The following PCMTD1 variants were observed in gnomAD, a reference collection of about 807,000 sequenced individuals.
PCMTD1 encodes protein-L-isoaspartate O-methyltransferase domain-containing protein 1.
PCMTD1 carries 12 observed loss-of-function variants against 37.6 expected under a neutral mutation model. That is an observed-to-expected ratio of 0.32 (90% CI 0.20 to 0.52). The LOEUF is 0.52. Among genes scored for constraint, PCMTD1 ranks in the 20% least tolerant of loss-of-function variants. PCMTD1 has a pLI of 0.97. For synonymous variants in PCMTD1, 117 were observed against 135.8 expected (o/e 0.86, Z 0.96); for missense variants, 235 against 421.3 (o/e 0.56, Z 3.87).
At chr8:51,887,897 C>T (rs1009622488) in intron 1 of PCMTD1, among the ~76,000 whole-genome samples, 1 of 151,894 alleles carries the variant, frequency 6.6e-6, no homozygotes, top group Non-Finnish European at 1.5e-5. Flanking sequence ...ACGTGCCAAC[C>T]ACACTCAGCT....
At chr8:51,865,444 C>A (rs2038536517) in intron 1 of PCMTD1, among the ~76,000 whole-genome samples, 1 of 152,018 alleles carries the variant, frequency 6.6e-6, no homozygotes, top group Non-Finnish European at 1.5e-5. Flanking sequence ...ACTAGCAAAC[C>A]AAATTCAACA....
chr8:51,831,311 A>C, intron 5 of PCMTD1, 133 bp downstream of exon 5: 1 of 903,864 alleles, frequency 1.1e-6, no homozygotes, highest in Non-Finnish European at 1.6e-6. Context: ...AAAAAAAAAA[A>C]GTTGAATAAA....
chr8:51,867,167 TATC>T (rs1430204960), intron 1 of PCMTD1, among the ~76,000 whole-genome samples: 1 of 151,980 alleles, frequency 6.6e-6, no homozygotes, highest in Non-Finnish European at 1.5e-5. Flanking sequence ...TCAGAATGGC[TATC>T]ATCAAAAAGA....
chr8:51,876,584 C>T (rs911936681), intron 1 of PCMTD1, among the ~76,000 whole-genome samples: 1 of 152,166 alleles, frequency 6.6e-6, no homozygotes, highest in Non-Finnish European at 1.5e-5. Context: ...GGTAAAATGG[C>T]TGACTCTAAA....
At chr8:51,835,614 T>G (rs929285173) in intron 3 of PCMTD1, among the ~76,000 whole-genome samples, 1 of 152,174 alleles carries the variant, frequency 6.6e-6, no homozygotes, top group African/African-American at 2.4e-5. Flanking sequence ...ATGCTTTAAT[T>G]TTATAATAAT....
intron 2 of PCMTD1, among the ~76,000 whole-genome samples, chr8:51,853,236 G>A (rs984556207): frequency 3.3e-5 from 5 of 152,154 alleles, no homozygotes; most frequent in Non-Finnish European, 5.9e-5. Context: ...GACCCTGCAA[G>A]AGCCAAACCC....
chr8:51,899,054 A>C (rs759805999), upstream of PCMTD1: 25 of 1,503,740 alleles, frequency 1.7e-5, no homozygotes, highest in East Asian at 4.8e-4. Context: ...CGGGGCCCGG[A>C]CCCGCGACTG....
intron 3 of PCMTD1, among the ~76,000 whole-genome samples, chr8:51,834,160 A>T (rs1256344898): frequency 6.6e-6 from 1 of 152,194 alleles, no homozygotes; most frequent in East Asian, 1.9e-4. Flanking sequence ...AAAGTGGGAG[A>T]GCTTTATCAA....
intron 2 of PCMTD1, among the ~76,000 whole-genome samples, chr8:51,859,988 T>C (rs946104430): frequency 2.0e-5 from 3 of 152,190 alleles, no homozygotes; most frequent in African/African-American, 7.2e-5. Context: ...ATATGGCAGC[T>C]GAACTAAATG....
chr8:51,855,804 C>T (rs965004455), intron 2 of PCMTD1, among the ~76,000 whole-genome samples: 7 of 151,842 alleles, frequency 4.6e-5, no homozygotes, highest in South Asian at 2.1e-4. Context: ...CAACTACAGG[C>T]GCCTGCCACC....
chr8:51,842,760 C>T (rs75573279), intron 3 of PCMTD1, among the ~76,000 whole-genome samples: 3,479 of 152,018 alleles, frequency 0.023, 129 homozygotes, highest in African/African-American at 0.079. Flanking sequence ...TTTAAAAATG[C>T]AATTCAAATC....
At chr8:51,849,021 T>C (rs1430936885) in intron 2 of PCMTD1, 1 of 152,162 alleles carries the variant, frequency 6.6e-6, no homozygotes, top group African/African-American at 2.4e-5. Flanking sequence ...TGTATAAAAA[T>C]GTAATGCAAT....
intron 3 of PCMTD1, among the ~76,000 whole-genome samples, chr8:51,836,957 A>C (rs1318103450): frequency 6.6e-6 from 1 of 152,214 alleles, no homozygotes; most frequent in Non-Finnish European, 1.5e-5. Context: ...CATGTTACAG[A>C]ATACAGTTTT....
chr8:51,839,651 A>G, intron 3 of PCMTD1: 1 of 984,542 alleles, frequency 1.0e-6, no homozygotes. Flanking sequence ...GAGAGTAGAA[A>G]AAACAACATT....
intron 5 of PCMTD1, among the ~76,000 whole-genome samples, chr8:51,829,278 T>A (rs1055681256): frequency 2.6e-5 from 4 of 152,148 alleles, no homozygotes; most frequent in Admixed American, 1.3e-4. Flanking sequence ...AAGAAACATT[T>A]ATGCCACTAA....
At chr8:51,873,907 T>TC (rs1343775250) in intron 1 of PCMTD1, among the ~76,000 whole-genome samples, 2 of 151,204 alleles carry the variant, frequency 1.3e-5, no homozygotes, top group Non-Finnish European at 2.9e-5. Context: ...CTTTTTTTTT[T>TC]CTTTTTCTTT....
Position 51,833,689 on chromosome 8 carries a change from T to A in PCMTD1, c.411A>T (p.Lys137Asn). The part of the protein sequence containing the change: ...SFIKNSDSFD[K>N]FEFCEPAFVV... ...CAAATGCAGGTTCACAGAACTCAAA[T>A]CTGCATTGAAAAACAAACATTTTAA... Residue 137 changes from lysine to asparagine, a missense_variant and splice_region_variant, in exon 4 of 6, where the codon AAA becomes AAT. Physicochemically the swap from Lys to Asn is moderately conservative, Grantham distance 94 (BLOSUM62 0). Around this residue, in one of 3 missense-constraint regions of PCMTD1, gnomAD observed 183 missense variants for 349.3 expected, o/e 0.52. Transcript: ENST00000522514. The A allele has an allele frequency of 6.2e-7, 1 of 1,601,310 alleles. No homozygotes were observed. Among genetic ancestry groups the A allele is most frequent in the Non-Finnish European group, 8.5e-7 (1 of 1,176,526 alleles).
chr8:51,884,958 T>C (rs1201316407), intron 1 of PCMTD1, among the ~76,000 whole-genome samples: 1 of 152,214 alleles, frequency 6.6e-6, no homozygotes, highest in Admixed American at 6.5e-5. Flanking sequence ...CTATATCCTG[T>C]AGCACTCTCT....
At chr8:51,899,052 G>A (rs774392172), upstream of PCMTD1, 591 of 1,501,812 alleles carry the variant, frequency 3.9e-4, no homozygotes, top group Non-Finnish European at 4.8e-4. Context: ...GGCGGGGCCC[G>A]GACCCGCGAC....
Sources: allele counts gnomAD v4.1 joint callset (sites outside exome capture counted in the v4.1 genomes callset), GRCh38; gene constraint gnomAD v4.1.1; regional missense constraint gnomAD v4.1.1; transcripts MANE v1.5; gene names NCBI Gene and HGNC (gene_info 2026-07-23, HGNC 2026-07-21).